The following DPP6 variants were observed in gnomAD, a reference collection of about 807,000 sequenced individuals.
The protein encoded by DPP6 is A-type potassium channel modulatory protein DPP6.
A neutral mutation model predicts 122.6 loss-of-function variants in DPP6; 69 were observed. That is an observed-to-expected ratio of 0.56 (90% confidence interval 0.46 to 0.69). The LOEUF is 0.69. Among genes scored for constraint, DPP6 ranks in the 30% least tolerant of loss-of-function variants. The pLI, the probability that DPP6 is intolerant of heterozygous loss-of-function variation, is 0.00. For synonymous variants in DPP6, 418 were observed against 433.1 expected, an observed-to-expected ratio of 0.97 and a Z score of 0.43; for missense variants, 928 against 1,116.9, an observed-to-expected ratio of 0.83 and a Z score of 2.41.
intron 1 of DPP6, among the ~76,000 whole-genome samples, chr7:154,029,706 C>G (rs894203670): frequency 6.8e-6 from 1 of 147,414 alleles, no homozygotes; most frequent in African/African-American, 2.5e-5. Flanking sequence ...ATTAGTTGGG[C>G]ATGGTGGCGG....
chr7:154,289,091 C>T (rs546661537), intron 1 of DPP6, among the ~76,000 whole-genome samples: 7 of 151,864 alleles, frequency 4.6e-5, no homozygotes, highest in Non-Finnish European at 5.9e-5. Flanking sequence ...TAATACTAAA[C>T]GGAAGCTGAT....
rs147175755 is a variant in DPP6, at chr7:154,812,515, G to T, written c.1666+5403G>T. Among the ~76,000 whole-genome samples the T allele has an allele frequency of 8.4e-3, 1,286 of 152,216 alleles. 19 individuals carry two copies. The highest frequency in any genetic ancestry group is 0.029 in the African/African-American group (1,205 of 41,520). ...GATTCTGGTAAGGGCCCTCTTCTGG[G>T]TCACAGATGACCAGTTTCTCCTTGT... is the stretch of plus-strand genomic sequence containing the variant. On this transcript the variant is annotated intron_variant, in intron 16 of 25. Coordinates refer to ENST00000377770, the MANE Select transcript of DPP6 (RefSeq NM_130797.4).
At chr7:154,015,243 T>C (rs2429615) in intron 1 of DPP6, among the ~76,000 whole-genome samples, 15,877 of 151,830 alleles carry the variant, frequency 0.1, 938 homozygotes, top group East Asian at 0.19. Context: ...ATTTTCCCTT[T>C]GATTGCACTA....
At chr7:154,620,978 A>G (rs1380073390) in intron 5 of DPP6, among the ~76,000 whole-genome samples, 1 of 152,208 alleles carries the variant, frequency 6.6e-6, no homozygotes, top group Non-Finnish European at 1.5e-5. Flanking sequence ...ATACACTTGA[A>G]ATCTTCTAAG....
chr7:154,261,103 C>T (rs1802987835), intron 1 of DPP6, among the ~76,000 whole-genome samples: 1 of 152,036 alleles, frequency 6.6e-6, no homozygotes, highest in South Asian at 2.1e-4. Context: ...ACCGTATTGG[C>T]CAGGCTGGTC....
the DPP6 span, among the ~76,000 whole-genome samples, chr7:153,802,119 C>T: frequency 6.6e-6 from 1 of 152,150 alleles, no homozygotes; most frequent in Non-Finnish European, 1.5e-5. Context: ...CGGTCAGGAG[C>T]AGGCACACCA....
chr7:153,962,334 T>C (rs568125565), intron 1 of DPP6, among the ~76,000 whole-genome samples: 32 of 152,320 alleles, frequency 2.1e-4, no homozygotes, highest in Admixed American at 2.6e-4. Context: ...AGTGACTCCT[T>C]CTTCCTTTCT....
intron 5 of DPP6, among the ~76,000 whole-genome samples, chr7:154,629,048 C>T (rs537095624): frequency 1.3e-5 from 2 of 152,222 alleles, no homozygotes; most frequent in African/African-American, 4.8e-5. Flanking sequence ...ATGTACAGGA[C>T]ATTGCTTTCA....
At chr7:154,147,691 C>T (rs1796181630) in intron 1 of DPP6, among the ~76,000 whole-genome samples, 1 of 151,328 alleles carries the variant, frequency 6.6e-6, no homozygotes, top group Non-Finnish European at 1.5e-5. Context: ...TATGTATATA[C>T]ACACACAAAC....
At chr7:154,579,653 C>A (rs181385667) in intron 5 of DPP6, among the ~76,000 whole-genome samples, 2 of 152,164 alleles carry the variant, frequency 1.3e-5, no homozygotes, top group Non-Finnish European at 2.9e-5. Context: ...CAAATGCCAG[C>A]CATGTCCTCT....
intron 1 of DPP6, among the ~76,000 whole-genome samples, chr7:153,920,442 C>T (rs1183189588): frequency 6.6e-6 from 1 of 151,998 alleles, no homozygotes; most frequent in Non-Finnish European, 1.5e-5. Context: ...AGACAAGAGG[C>T]CTCAAAGCAG....
intron 1 of DPP6, among the ~76,000 whole-genome samples, chr7:153,965,865 G>A (rs534628323): frequency 3.8e-4 from 54 of 143,730 alleles, no homozygotes; most frequent in African/African-American, 1.3e-3. Flanking sequence ...ACCTGGAAAC[G>A]GGCTTGCTTT....
Position 154,012,685 on chromosome 7 carries a change from C to G in DPP6, c.51+124951C>G, listed in dbSNP as rs531376611. Among the ~76,000 whole-genome samples, 21 of 152,154 alleles carry G rather than the reference C, an allele frequency of 1.4e-4. No homozygotes were observed. The East Asian group carries it at 3.9e-3, about 28-fold the overall frequency. On this transcript the variant is annotated intron_variant, in intron 1 of 25. Coordinates refer to the DPP6 transcript ENST00000404039. ...ATACCTTTTCATTTAAATCATTGAA[C>G]AGTTCACAATGGCTGTTGTAAAGTT...
At chr7:154,309,009 G>A (rs183661546) in intron 1 of DPP6, among the ~76,000 whole-genome samples, 31 of 152,286 alleles carry the variant, frequency 2.0e-4, no homozygotes, top group Admixed American at 1.2e-3. Flanking sequence ...GGCACACCTC[G>A]TGTGTCACAA....
intron 1 of DPP6, among the ~76,000 whole-genome samples, chr7:153,895,318 G>A (rs1355313549): frequency 5.9e-5 from 9 of 152,188 alleles, no homozygotes; most frequent in Admixed American, 5.9e-4. Flanking sequence ...CCTCTGAGGG[G>A]CCTCTGCAGG....
intron 1 of DPP6, among the ~76,000 whole-genome samples, chr7:154,255,343 G>T (rs1174176167): frequency 1.3e-5 from 2 of 152,218 alleles, no homozygotes; most frequent in Non-Finnish European, 2.9e-5. Context: ...AGGATAGTTA[G>T]ACAATTAGAG....
chr7:154,406,612 T>C (rs1017502857), intron 1 of DPP6, among the ~76,000 whole-genome samples: 21 of 152,340 alleles, frequency 1.4e-4, no homozygotes, highest in African/African-American at 5.1e-4. Context: ...ATTTATGGTT[T>C]CATAAATACA....
chr7:153,943,170 A>G (rs1327234535), intron 1 of DPP6, among the ~76,000 whole-genome samples: 2 of 152,222 alleles, frequency 1.3e-5, no homozygotes, highest in Non-Finnish European at 2.9e-5. Context: ...GATTTCATCA[A>G]TTAGAGCACG....
chr7:154,062,014 AGG>A (rs750730060), intron 1 of DPP6, among the ~76,000 whole-genome samples: 40 of 93,142 alleles, frequency 4.3e-4, no homozygotes, highest in African/African-American at 9.5e-4. Context: ...CCCCCATCGC[AGG>A]GGGGGGGAGG....
Sources: allele counts gnomAD v4.1 joint callset (sites outside exome capture counted in the v4.1 genomes callset), GRCh38; gene constraint gnomAD v4.1.1; transcripts MANE v1.5; gene names NCBI Gene and HGNC (gene_info 2026-07-23, HGNC 2026-07-21).